OPCML: variants seen among roughly 807,000 people sequenced by gnomAD.
OPCML encodes the protein opioid binding protein/cell adhesion molecule like.
In OPCML, 13 loss-of-function variants were observed where a neutral mutation model predicts 37.8. The observed-to-expected ratio is 0.34, with a 90% CI of 0.22 to 0.55. OPCML has a LOEUF of 0.55. OPCML is among the 20% of genes least tolerant of loss of function. The pLI, the probability that OPCML is intolerant of heterozygous loss-of-function variation, is 0.91. For missense variants in OPCML, 341 were observed against 435.6 expected (o/e 0.78, Z 1.93); for synonymous variants, 176 against 168.8 (o/e 1.04, Z -0.33).
intron 1 of OPCML, among the ~76,000 whole-genome samples, chr11:133,242,271 G>A (rs1940759426): frequency 6.6e-6 from 1 of 152,132 alleles, no homozygotes; most frequent in South Asian, 2.1e-4. Flanking sequence ...CTTCAGAGCG[G>A]CAAAGTGATA....
At chr11:132,664,887 C>T (rs1230785844) in intron 2 of OPCML, among the ~76,000 whole-genome samples, 6 of 152,114 alleles carry the variant, frequency 3.9e-5, no homozygotes, top group Non-Finnish European at 7.4e-5. Context: ...TATCTGAAAG[C>T]CTCTGCAGAA....
chr11:132,506,353 C>T (rs2096256752), intron 4 of OPCML, among the ~76,000 whole-genome samples: 1 of 152,154 alleles, frequency 6.6e-6, no homozygotes, highest in Non-Finnish European at 1.5e-5. Flanking sequence ...ATACAACAAT[C>T]ACACATCTTT....
intron 3 of OPCML, among the ~76,000 whole-genome samples, chr11:132,620,268 G>T (rs1400246589): frequency 1.3e-5 from 2 of 152,270 alleles, no homozygotes; most frequent in Admixed American, 1.3e-4. Context: ...CACAAGACTA[G>T]AACTTGGTCA....
chr11:133,220,544 C>T (rs1484684757), intron 1 of OPCML, among the ~76,000 whole-genome samples: 1 of 152,170 alleles, frequency 6.6e-6, no homozygotes, highest in Non-Finnish European at 1.5e-5. Flanking sequence ...TTGAATGTCC[C>T]TTTGCCTTGC....
At chr11:132,908,125 G>A (rs1259645211) in intron 2 of OPCML, among the ~76,000 whole-genome samples, 2 of 152,256 alleles carry the variant, frequency 1.3e-5, no homozygotes, top group East Asian at 3.9e-4. Flanking sequence ...CAAAACACAG[G>A]AGCACAAGCG....
chr11:133,231,590 T>C lies in OPCML; in HGVS notation c.62-288580A>G, dbSNP rs370950059. ...CCTCTCACAGCACCTAGCTCAGTGT[T>C]AAGCACAGCAGATACCTCCCAGCAA... On this transcript the variant is annotated intron_variant, in intron 1 of 7. Coordinates refer to ENST00000524381, the MANE Select transcript of OPCML (RefSeq NM_001012393.5). 4.2e-4 allele frequency among the ~76,000 whole-genome samples: 64 copies of C among 152,240 alleles called. No homozygotes were observed. The South Asian group carries it at 7.7e-3, about 18-fold the overall frequency.
At position 133,368,642 on chromosome 11, in the gene OPCML, A is replaced by G. The variant is rs145193866; in HGVS notation, c.61+163622T>C. Among the ~76,000 whole-genome samples the G allele has an allele frequency of 3.1e-3, 471 of 152,318 alleles. 2 individuals carry two copies. Among genetic ancestry groups the G allele is most frequent in the African/African-American group, 9.9e-3 (410 of 41,568 alleles). On this transcript the variant is annotated intron_variant, in intron 1 of 7. Coordinates refer to ENST00000524381, the MANE Select transcript of OPCML (RefSeq NM_001012393.5). ...CACAGATCTTCTTGCTGGACTTTTTATCTTTTTTATCTACATGTTCCCATA... is the reference window on the plus strand; with the variant it reads ...CACAGATCTTCTTGCTGGACTTTTTGTCTTTTTTATCTACATGTTCCCATA...
rs562314049 is a variant in OPCML at position 132,471,960 on chromosome 11, C to G, written c.506-34601G>C. Among the ~76,000 whole-genome samples the G allele has an allele frequency of 5.0e-4, 76 of 152,262 alleles. 2 individuals are homozygous for G. In the East Asian group the frequency reaches 0.01, roughly 21 times the overall value. On this transcript the variant is annotated intron_variant, in intron 4 of 7. Transcript: ENST00000524381. ...CTTTTCCTTGTCTGAAACACAGACA[C>G]GGTGGAGGAGTAGCAGCAGGCCTAC...
chr11:133,003,958 G>A (rs569994059), intron 1 of OPCML: 465 of 985,416 alleles, frequency 4.7e-4, no homozygotes, highest in Admixed American at 6.8e-4. Context: ...ACACTGTCCC[G>A]TGGGCAGCAG....
At chr11:133,264,952 C>A (rs138050169) in intron 1 of OPCML, among the ~76,000 whole-genome samples, 1 of 152,130 alleles carries the variant, frequency 6.6e-6, no homozygotes, top group Non-Finnish European at 1.5e-5. Context: ...GTTTTGTCTG[C>A]ACTAGACATA....
At chr11:132,441,941 A>G (rs1472437387) in intron 4 of OPCML, among the ~76,000 whole-genome samples, 1 of 152,160 alleles carries the variant, frequency 6.6e-6, no homozygotes, top group Non-Finnish European at 1.5e-5. Context: ...AGCATGAAAC[A>G]TCCACAAGCA....
intron 1 of OPCML, among the ~76,000 whole-genome samples, chr11:133,462,940 G>A (rs763517068): frequency 9.2e-5 from 14 of 152,002 alleles, no homozygotes; most frequent in Non-Finnish European, 1.9e-4. Context: ...TCAGGTGTCC[G>A]CTGATGAATA....
chr11:132,861,430 T>G (rs1403498252), intron 2 of OPCML, among the ~76,000 whole-genome samples: 2 of 152,274 alleles, frequency 1.3e-5, no homozygotes, highest in Non-Finnish European at 2.9e-5. Context: ...CAAAAATGTC[T>G]ACATATGTAT....
chr11:133,495,011 G>A (rs2120480669), intron 1 of OPCML, among the ~76,000 whole-genome samples: 1 of 152,218 alleles, frequency 6.6e-6, no homozygotes, highest in East Asian at 1.9e-4. Flanking sequence ...CATCACCCAA[G>A]CAGTATATGC....
intron 1 of OPCML, among the ~76,000 whole-genome samples, chr11:133,373,696 C>T (rs957529038): frequency 1.3e-5 from 2 of 151,392 alleles, no homozygotes; most frequent in African/African-American, 2.4e-5. Flanking sequence ...TGAAAGTACA[C>T]CCAAACATCT....
intron 2 of OPCML, among the ~76,000 whole-genome samples, chr11:132,787,955 A>G (rs1003334593): frequency 2.0e-5 from 3 of 152,196 alleles, no homozygotes; most frequent in Admixed American, 2.0e-4. Context: ...ATCTCGGCTC[A>G]CTGCAACCTC....
At chr11:132,953,993 G>A (rs1945920170) in intron 1 of OPCML, among the ~76,000 whole-genome samples, 1 of 152,224 alleles carries the variant, frequency 6.6e-6, no homozygotes, top group Non-Finnish European at 1.5e-5. Flanking sequence ...GGGTCTTAGA[G>A]AGGAGCTAGA....
chr11:132,544,340 G>C (rs972885914), intron 3 of OPCML, among the ~76,000 whole-genome samples: 4 of 152,124 alleles, frequency 2.6e-5, no homozygotes, highest in Non-Finnish European at 5.9e-5. Context: ...TGCCCACCAG[G>C]AACTAAGGCT....
intron 1 of OPCML, among the ~76,000 whole-genome samples, chr11:133,350,856 C>T (rs980939162): frequency 6.6e-6 from 1 of 152,178 alleles, no homozygotes; most frequent in Non-Finnish European, 1.5e-5. Flanking sequence ...AACATATGAT[C>T]AATGCACACA....
Sources: gnomAD v4.1 joint callset for allele counts (sites outside exome capture counted in the v4.1 genomes callset) on GRCh38, gnomAD v4.1.1 for gene constraint, MANE v1.5 for transcripts, NCBI Gene and HGNC (gene_info 2026-07-23, HGNC 2026-07-21) for gene names.